Variants in NLGN1 observed in about 807,000 individuals in gnomAD.
NLGN1 encodes the protein neuroligin 1.
In NLGN1, 12 loss-of-function variants were observed where a neutral mutation model predicts 65.5. That is an observed-to-expected ratio of 0.18 (90% CI 0.12 to 0.30). The LOEUF (loss-of-function observed/expected upper bound fraction) is 0.30. NLGN1 is among the 10% of genes least tolerant of loss of function. The pLI, the probability that NLGN1 is intolerant of heterozygous loss-of-function variation, is 1.00. For missense variants in NLGN1, 750 were observed against 1,007.1 expected, an observed-to-expected ratio of 0.74 and a Z score of 3.46; for synonymous variants, 350 against 359.5, an observed-to-expected ratio of 0.97 and a Z score of 0.30.
chr3:173,445,221 T>C (rs759030261), intron 2 of NLGN1, among the ~76,000 whole-genome samples: 24 of 126,354 alleles, frequency 1.9e-4, no homozygotes, highest in Middle Eastern at 0.014. Context: ...TGAGCCGAGA[T>C]CCCGCCACTG....
chr3:173,525,532 CCTTT>C (rs1477719366), intron 2 of NLGN1, among the ~76,000 whole-genome samples: 2 of 151,774 alleles, frequency 1.3e-5, no homozygotes, highest in Admixed American at 1.3e-4. Context: ...AGAAATTTAT[CCTTT>C]CTAAGAACAA....
Position 173,794,839 on chromosome 3 carries a change from G to A in NLGN1, c.494-12841G>A, listed in dbSNP as rs139298592. On this transcript the variant is annotated intron_variant, in intron 3 of 6. Coordinates refer to ENST00000457714, the Ensembl canonical transcript of NLGN1. Reference sequence around the variant, plus strand: ...AGATGGAATTGCTTTTGACATCAAAGTGTTATGTAATCAAGGTAATTTATG... The same window carrying A: ...AGATGGAATTGCTTTTGACATCAAAATGTTATGTAATCAAGGTAATTTATG... 2.4e-3 allele frequency among the ~76,000 whole-genome samples: 366 copies of A among 152,174 alleles called. 2 individuals are homozygous for A. Among genetic ancestry groups the A allele is most frequent in the African/African-American group, 8.5e-3 (352 of 41,522 alleles).
intron 3 of NLGN1, among the ~76,000 whole-genome samples, chr3:173,759,218 C>T (rs1178510639): frequency 4.6e-5 from 7 of 151,880 alleles, no homozygotes; most frequent in Non-Finnish European, 1.0e-4. Flanking sequence ...AATATTTTAT[C>T]TATTTTTCTA....
chr3:174,239,513 A>G lies in NLGN1; in HGVS notation c.647-35802A>G, dbSNP rs150388828. ...TTTGGATTCAGCTATTCCTAATTGCATTTTAGTTATTACATCATGTAACCC... is the reference window on the plus strand; with the variant it reads ...TTTGGATTCAGCTATTCCTAATTGCGTTTTAGTTATTACATCATGTAACCC... On this transcript the variant is annotated intron_variant, in intron 4 of 6. Coordinates refer to ENST00000457714, the Ensembl canonical transcript of NLGN1. 3.0e-3 allele frequency among the ~76,000 whole-genome samples: 459 copies of G among 152,256 alleles called. 1 individual carries two copies. Among genetic ancestry groups the G allele is most frequent in the African/African-American group, 0.01 (435 of 41,538 alleles).
intron 4 of NLGN1, among the ~76,000 whole-genome samples, chr3:174,069,767 A>AT (rs1215241709): frequency 6.6e-6 from 1 of 152,172 alleles, no homozygotes; most frequent in African/African-American, 2.4e-5. Flanking sequence ...CAGGAAAATA[A>AT]TTCAGTCTTC....
chr3:173,899,029 A>C (rs1736850402), intron 4 of NLGN1, among the ~76,000 whole-genome samples: 1 of 152,140 alleles, frequency 6.6e-6, no homozygotes, highest in Non-Finnish European at 1.5e-5. Context: ...TAAGTGTTAA[A>C]GTAATTAAGT....
At chr3:173,441,187 T>A (rs1350470277) in intron 2 of NLGN1, among the ~76,000 whole-genome samples, 1 of 152,214 alleles carries the variant, frequency 6.6e-6, no homozygotes, top group Non-Finnish European at 1.5e-5. Context: ...TTTAGCTTAG[T>A]GGAATTTTGT....
intron 4 of NLGN1, among the ~76,000 whole-genome samples, chr3:174,058,444 G>A (rs1347440492): frequency 6.6e-6 from 1 of 152,062 alleles, no homozygotes; most frequent in Non-Finnish European, 1.5e-5. Context: ...GTAGAAAAGA[G>A]CAAGAGGGGT....
chr3:173,989,028 A>T (rs922357855), intron 4 of NLGN1, among the ~76,000 whole-genome samples: 2 of 152,170 alleles, frequency 1.3e-5, no homozygotes, highest in African/African-American at 4.8e-5. Flanking sequence ...AATAATTTTG[A>T]TGAGTTGACA....
intron 4 of NLGN1, among the ~76,000 whole-genome samples, chr3:174,062,953 A>C (rs932512510): frequency 5.9e-5 from 9 of 152,118 alleles, no homozygotes; most frequent in Non-Finnish European, 1.5e-5. Context: ...TTGTCATGGC[A>C]ATCTTATTCA....
At chr3:173,801,941 C>T (rs1413799284) in intron 3 of NLGN1, among the ~76,000 whole-genome samples, 1 of 152,092 alleles carries the variant, frequency 6.6e-6, no homozygotes, top group Admixed American at 6.5e-5. Flanking sequence ...TATAAGAAGA[C>T]TACTTCCACT....
intron 4 of NLGN1, among the ~76,000 whole-genome samples, chr3:174,246,407 G>A (rs995337295): frequency 6.6e-6 from 1 of 152,062 alleles, no homozygotes; most frequent in Non-Finnish European, 1.5e-5. Context: ...AAACTTACTA[G>A]GATGACCCTA....
chr3:173,628,694 T>G (rs995575860), intron 3 of NLGN1, among the ~76,000 whole-genome samples: 1 of 151,678 alleles, frequency 6.6e-6, no homozygotes, highest in Non-Finnish European at 1.5e-5. Context: ...TTTATTTATG[T>G]TATTATTATT....
chr3:173,839,775 A>T (rs970283653), intron 4 of NLGN1, among the ~76,000 whole-genome samples: 1 of 152,184 alleles, frequency 6.6e-6, no homozygotes, highest in Non-Finnish European at 1.5e-5. Context: ...GGCTATGCCT[A>T]TAATGCTTAA....
intron 4 of NLGN1, among the ~76,000 whole-genome samples, chr3:174,135,754 A>G (rs1721090612): frequency 6.6e-6 from 1 of 152,134 alleles, no homozygotes. Flanking sequence ...AATTTTATAT[A>G]CTGCTATGTA....
chr3:173,828,453 C>T (rs1258572233), intron 4 of NLGN1, among the ~76,000 whole-genome samples: 1 of 152,090 alleles, frequency 6.6e-6, no homozygotes, highest in Non-Finnish European at 1.5e-5. Context: ...GTTCATCCAA[C>T]AGATATTCAC....
chr3:173,604,066 A>G lies in NLGN1; in HGVS notation c.-320-213A>G, dbSNP rs187688854. Among the ~76,000 whole-genome samples, 243 of 152,248 alleles carry G rather than the reference A, an allele frequency of 1.6e-3. 2 individuals are homozygous for G. The Middle Eastern group carries it at 0.027, about 17-fold the overall frequency. Reference sequence around the variant, plus strand: ...TTTAATAAAGCCTGCTTCCATGTAAATGTATATAAAGTCAGCAGATGCATT... The same window carrying G: ...TTTAATAAAGCCTGCTTCCATGTAAGTGTATATAAAGTCAGCAGATGCATT... On this transcript the variant is annotated intron_variant, in intron 2 of 6. Coordinates refer to ENST00000457714, the Ensembl canonical transcript of NLGN1.
intron 2 of NLGN1, among the ~76,000 whole-genome samples, chr3:173,490,951 T>G (rs1187260398): frequency 6.6e-6 from 1 of 151,144 alleles, no homozygotes; most frequent in Non-Finnish European, 1.5e-5. Context: ...TTTTGTATCC[T>G]GAGACTTTGC....
At chr3:173,531,127 A>G (rs1338096666) in intron 2 of NLGN1, among the ~76,000 whole-genome samples, 1 of 152,150 alleles carries the variant, frequency 6.6e-6, no homozygotes, top group African/African-American at 2.4e-5. Context: ...TCTTTAAACT[A>G]ACATGCACTC....
Sources: gnomAD v4.1 joint callset for allele counts (sites outside exome capture counted in the v4.1 genomes callset) on GRCh38, gnomAD v4.1.1 for gene constraint, MANE v1.5 for transcripts, NCBI Gene and HGNC (gene_info 2026-07-23, HGNC 2026-07-21) for gene names.